OR1N2: variants seen among roughly 807,000 people sequenced by gnomAD.
OR1N2 encodes the protein olfactory receptor family 1 subfamily N member 2.
For synonymous variants in OR1N2, 152 were observed against 149.3 expected, an observed-to-expected ratio of 1.02 and a Z score of -0.13; for missense variants, 358 against 380.2, an observed-to-expected ratio of 0.94 and a Z score of 0.49.
rs759298359 is a variant in OR1N2 at position 122,553,798 on chromosome 9, A to G, written c.587A>G (p.His196Arg). Residue 196 changes from histidine to arginine, a missense_variant, in exon 1 of 1, where the codon CAT (histidine) becomes CGT (arginine). By Grantham distance (29) the His-to-Arg change is conservative (BLOSUM62 0). Transcript: ENST00000373688. ...CTGAAGCTTGCCTGCTCAGATACCC[A>G]TGTAAACGAGCTGATGATCATCACC... Reference protein sequence around the residue: ...ALLKLACSDTHVNELMIITMG... With the variant: ...ALLKLACSDTRVNELMIITMG... The G allele has an allele frequency of 2.5e-6, 4 of 1,613,954 alleles. No homozygotes were observed. Among genetic ancestry groups the G allele is most frequent in the South Asian group, 1.1e-5 (1 of 91,058 alleles).
In OR1N2 at chr9:122,554,161, G is replaced by C. The variant is rs372096195; in HGVS notation, c.950G>C (p.Ter317SerextTer4). The change falls in exon 1 of 1, where the codon TGA (stop) becomes TCA (serine). Residue 317 changes from the stop codon to serine (S), a stop_lost. Coordinates refer to ENST00000373688, the MANE Select transcript of OR1N2 (RefSeq NM_001004457.2). ...LFVSGKTFFL[*>S] is the part of the protein sequence containing the mutation. ...GTCAGTGGAAAAACATTCTTTTTAT[G>C]ATTAGACATCTAGACGGTGATGTCT... 5 of 1,607,512 alleles carry C rather than the reference G, an allele frequency of 3.1e-6. No homozygotes were observed. The highest frequency in any genetic ancestry group is 4.2e-6 in the Non-Finnish European group (5 of 1,176,478).
In OR1N2 at chr9:122,553,260, C is replaced by T. The variant is rs1243131027; in HGVS notation, c.49C>T (p.Leu17Phe). ...CCAAACCACTGTTTCAGACTTCCTC[C>T]TTCTAGGACTCTCTGAGTGGCCAGA... ...VNQTTVSDFL[L>F]LGLSEWPEEQ... The change falls in exon 1 of 1, where the codon CTT (leucine) becomes TTT (phenylalanine). Residue 17 changes from leucine to phenylalanine, a missense_variant. Leu to Phe is a conservative substitution (Grantham distance 22, BLOSUM62 0). Transcript: ENST00000373688. 5 of 1,613,644 alleles carry T rather than the reference C, an allele frequency of 3.1e-6. No individual in the cohort carries two copies. In the East Asian group the frequency reaches 1.1e-4, roughly 36 times the overall value.
In OR1N2 at chr9:122,553,614, T is replaced by C. The variant is rs1250359026; in HGVS notation, c.403T>C (p.Tyr135His). The change falls in exon 1 of 1, where the codon TAC (tyrosine) becomes CAC (histidine). Residue 135 changes from tyrosine to histidine, a missense_variant. Tyr to His is a moderately conservative substitution (Grantham distance 83, BLOSUM62 2). Coordinates refer to ENST00000373688, the MANE Select transcript of OR1N2 (RefSeq NM_001004457.2). Reference sequence around the variant, plus strand: ...TGTGGCCATCTGCCAACCACTCCATTACAGCACATCTATGAGTCCCCAGCT... The same window carrying C: ...TGTGGCCATCTGCCAACCACTCCATCACAGCACATCTATGAGTCCCCAGCT... ...RYVAICQPLH[Y>H]STSMSPQLCA... The C allele has an allele frequency of 1.2e-6, 2 of 1,614,122 alleles. No homozygotes were observed. The highest frequency in any genetic ancestry group is 1.3e-5 in the African/African-American group (1 of 75,042).
chr9:122,553,376 C>T lies in OR1N2; in HGVS notation c.165C>T (p.Asp55=), dbSNP rs1829217948. 6.2e-7 allele frequency: 1 copy of T among 1,614,068 alleles called. No individual in the cohort carries two copies. The highest frequency in any genetic ancestry group is 8.5e-7 in the Non-Finnish European group (1 of 1,179,984). Residue 55 remains aspartate, a synonymous_variant, in exon 1 of 1, where the codon GAC becomes GAT. Transcript: ENST00000373688. Reference sequence around the variant, plus strand: ...TCATTATCCTGGCCATCAGCTCTGACCCACACCTCCATACTCCCATGTACT... The same window carrying T: ...TCATTATCCTGGCCATCAGCTCTGATCCACACCTCCATACTCCCATGTACT... ...NLLIILAISS[D]PHLHTPMYFF... is the part of the protein sequence containing the mutation.
chr9:122,553,517 A>G lies in OR1N2; in HGVS notation c.306A>G (p.Ala102=), dbSNP rs1263655944. ...TCATCTCGTATTCTGGGTGTCTTGC[A>G]CAGCTATATTTCCTCCTTATGTTTG... ...SQIISYSGCL[A]QLYFLLMFGG... is the part of the protein sequence containing the mutation. The change falls in exon 1 of 1, where the codon GCA becomes GCG. Residue 102 remains alanine (A), a synonymous_variant. Transcript: ENST00000373688. 13 of 1,613,950 alleles carry G rather than the reference A, an allele frequency of 8.1e-6. No individual in the cohort carries two copies. Among genetic ancestry groups the G allele is most frequent in the Non-Finnish European group, 1.1e-5 (13 of 1,180,004 alleles).
Position 122,554,174 on chromosome 9 carries a change from G to T in OR1N2, c.*12G>T. 1 of 1,587,230 alleles carries T rather than the reference G, an allele frequency of 6.3e-7. No individual in the cohort carries two copies. Among genetic ancestry groups the T allele is most frequent in the South Asian group, 1.1e-5 (1 of 87,870 alleles). ...CATTCTTTTTATGATTAGACATCTA[G>T]ACGGTGATGTCTAATCTTGATCAAC... On this transcript the variant is annotated 3_prime_UTR_variant, in exon 1 of 1. Transcript: ENST00000373688.
chr9:122,554,202 C>T lies in OR1N2; in HGVS notation c.*40C>T. The T allele has an allele frequency of 6.8e-7, 1 of 1,481,398 alleles. No homozygotes were observed. Among genetic ancestry groups the T allele is most frequent in the Non-Finnish European group, 9.2e-7 (1 of 1,085,798 alleles). 91.8% of individuals were successfully genotyped at this position (1,481,398 alleles called of 1,614,324 possible). On this transcript the variant is annotated 3_prime_UTR_variant, in exon 1 of 1. Coordinates refer to ENST00000373688, the MANE Select transcript of OR1N2 (RefSeq NM_001004457.2). ...GGTGATGTCTAATCTTGATCAACCC[C>T]TCCCTGTCTTCCATCACTTCAGTAA...
In OR1N2 at chr9:122,553,655, G is replaced by T; in HGVS notation, c.444G>T (p.Leu148=). ...SMSPQLCALM[L]GVCWVLTNCP... is the part of the protein sequence containing the mutation. ...GTCCCCAGCTCTGTGCACTAATGCT[G>T]GGTGTGTGCTGGGTGCTAACCAACT... Residue 148 remains leucine, a synonymous_variant, in exon 1 of 1, where the codon CTG becomes CTT. Transcript: ENST00000373688. 1 of 1,614,060 alleles carries T rather than the reference G, an allele frequency of 6.2e-7. No homozygotes were observed. Among genetic ancestry groups the T allele is most frequent in the South Asian group, 1.1e-5 (1 of 91,070 alleles).
rs372274019 is a variant in OR1N2 at position 122,554,035 on chromosome 9, G to C, written c.824G>C (p.Ser275Thr). 6 of 1,613,894 alleles carry C rather than the reference G, an allele frequency of 3.7e-6. No individual in the cohort carries two copies. The highest frequency in any genetic ancestry group is 5.1e-6 in the Non-Finnish European group (6 of 1,179,844). Reference protein sequence around the residue: ...PPSTYSTERESRAAVLYMVII... With the variant: ...PPSTYSTERETRAAVLYMVII... The stretch of plus-strand genomic sequence containing the variant: ...TCAACTTACTCTACAGAGAGGGAAA[G>C]TAGGGCTGCTGTTCTCTATATGGTG... The change falls in exon 1 of 1, where the codon AGT becomes ACT. Residue 275 changes from serine (S) to threonine (T), a missense_variant. Physicochemically the swap from Ser to Thr is moderately conservative, Grantham distance 58 (BLOSUM62 1). Coordinates refer to ENST00000373688, the MANE Select transcript of OR1N2 (RefSeq NM_001004457.2).
Position 122,553,637 on chromosome 9 carries a change from G to C in OR1N2, c.426G>C (p.Gln142His), listed in dbSNP as rs1398493059. The C allele has an allele frequency of 5.6e-6, 9 of 1,614,116 alleles. No homozygotes were observed. Among genetic ancestry groups the C allele is most frequent in the Non-Finnish European group, 7.6e-6 (9 of 1,180,020 alleles). The change falls in exon 1 of 1, where the codon CAG (glutamine) becomes CAC (histidine). Residue 142 changes from glutamine to histidine, a missense_variant. Coordinates refer to ENST00000373688, the MANE Select transcript of OR1N2 (RefSeq NM_001004457.2). ...ATTACAGCACATCTATGAGTCCCCA[G>C]CTCTGTGCACTAATGCTGGGTGTGT... ...PLHYSTSMSP[Q>H]LCALMLGVCW...
At position 122,553,780 on chromosome 9, in the gene OR1N2, T is replaced by C. The variant is rs900796574; in HGVS notation, c.569T>C (p.Leu190Pro). 2.0e-5 allele frequency: 32 copies of C among 1,613,980 alleles called. No individual in the cohort carries two copies. The highest frequency in any genetic ancestry group is 2.6e-5 in the Non-Finnish European group (31 of 1,179,982). The change falls in exon 1 of 1, where the codon CTT becomes CCT. Residue 190 changes from leucine to proline, a missense_variant. Coordinates refer to ENST00000373688, the MANE Select transcript of OR1N2 (RefSeq NM_001004457.2). ...TGTGATCCTAGTGCTCTCCTGAAGC[T>C]TGCCTGCTCAGATACCCATGTAAAC... ...FYCDPSALLKLACSDTHVNEL... is the reference protein window; with the variant it reads ...FYCDPSALLKPACSDTHVNEL...
chr9:122,553,372 C>G lies in OR1N2; in HGVS notation c.161C>G (p.Ser54Cys), dbSNP rs762375447. The G allele has an allele frequency of 6.2e-7, 1 of 1,614,096 alleles. No homozygotes were observed. The highest frequency in any genetic ancestry group is 1.7e-5 in the Admixed American group (1 of 60,016). The change falls in exon 1 of 1, where the codon TCT (serine) becomes TGT (cysteine). Residue 54 changes from serine to cysteine, a missense_variant. Physicochemically the swap from Ser to Cys is moderately radical, Grantham distance 112 (BLOSUM62 -1). Transcript: ENST00000373688. Reference sequence around the variant, plus strand: ...CTGCTCATTATCCTGGCCATCAGCTCTGACCCACACCTCCATACTCCCATG... The same window carrying G: ...CTGCTCATTATCCTGGCCATCAGCTGTGACCCACACCTCCATACTCCCATG... ...GNLLIILAIS[S>C]DPHLHTPMYF...
rs1279976765 is a variant in OR1N2, at chr9:122,554,204, C to T, written c.*42C>T. 6.8e-7 allele frequency: 1 copy of T among 1,462,936 alleles called. No individual in the cohort carries two copies. The highest frequency in any genetic ancestry group is 9.3e-7 in the Non-Finnish European group (1 of 1,069,958). The allele number at this position is 1,462,936 out of a possible 1,614,324, so 90.6% of individuals were successfully genotyped here. A position where few individuals can be genotyped will look rare whatever the true frequency, so the allele number is the denominator to read the frequency against. ...TGATGTCTAATCTTGATCAACCCCT[C>T]CCTGTCTTCCATCACTTCAGTAATT... On this transcript the variant is annotated 3_prime_UTR_variant, in exon 1 of 1. Transcript: ENST00000373688.
At position 122,553,550 on chromosome 9, in the gene OR1N2, T is replaced by C; in HGVS notation, c.339T>C (p.Leu113=). The part of the protein sequence containing the change: ...QLYFLLMFGG[L]DNCLLAVMAY... ...ATTTCCTCCTTATGTTTGGTGGCCTTGACAACTGCCTGCTGGCTGTGATGG... is the reference window on the plus strand; with the variant it reads ...ATTTCCTCCTTATGTTTGGTGGCCTCGACAACTGCCTGCTGGCTGTGATGG... Residue 113 remains leucine, a synonymous_variant, in exon 1 of 1, where the codon CTT becomes CTC. Coordinates refer to ENST00000373688, the MANE Select transcript of OR1N2 (RefSeq NM_001004457.2). 1 of 1,614,150 alleles carries C rather than the reference T, an allele frequency of 6.2e-7. No homozygotes were observed. The highest frequency in any genetic ancestry group is 8.5e-7 in the Non-Finnish European group (1 of 1,180,024).
rs199982649 is a variant in OR1N2, at chr9:122,554,073, C to G, written c.862C>G (p.Leu288Val). ...TCTCTATATGGTGATTATTCCCACG[C>G]TAAACCCATTCATTTATAGCTTGAG... The part of the protein sequence containing the change: ...AVLYMVIIPT[L>V]NPFIYSLRNR... Residue 288 changes from leucine to valine, a missense_variant, in exon 1 of 1, where the codon CTA (leucine) becomes GTA (valine). Physicochemically the swap from Leu to Val is conservative, Grantham distance 32. Coordinates refer to ENST00000373688, the MANE Select transcript of OR1N2 (RefSeq NM_001004457.2). 40 of 1,613,032 alleles carry G rather than the reference C, an allele frequency of 2.5e-5. No homozygotes were observed. The highest frequency in any genetic ancestry group is 3.1e-5 in the Non-Finnish European group (36 of 1,179,186).
At position 122,553,715 on chromosome 9, in the gene OR1N2, C is replaced by T. The variant is rs751354919; in HGVS notation, c.504C>T (p.Arg168=). The T allele has an allele frequency of 6.2e-6, 10 of 1,613,892 alleles. No homozygotes were observed. The East Asian group carries it at 6.7e-5, about 11-fold the overall frequency. ...TGATGCACACACTGTTGCTGACCCG[C>T]GTGGCTTTCTGTGCCCAGAAAGCCA... is the stretch of plus-strand genomic sequence containing the variant. ...PALMHTLLLT[R]VAFCAQKAIP... is the part of the protein sequence containing the mutation. The change falls in exon 1 of 1, where the codon CGC becomes CGT. Residue 168 remains arginine (R), a synonymous_variant. Transcript: ENST00000373688.
In OR1N2 at chr9:122,553,850, C is replaced by T. The variant is rs1829232007; in HGVS notation, c.639C>T (p.Pro213=). The T allele has an allele frequency of 3.1e-6, 5 of 1,613,918 alleles. No homozygotes were observed. The East Asian group carries it at 1.1e-4, about 36-fold the overall frequency. The change falls in exon 1 of 1, where the codon CCC becomes CCT. Residue 213 remains proline, a synonymous_variant. Transcript: ENST00000373688. ...ITMGLLFLTV[P]LLLIVFSYVR... is the part of the protein sequence containing the mutation. ...TGGGCTTGCTGTTCCTCACTGTTCC[C>T]CTCCTGCTGATCGTCTTCTCCTATG... is the stretch of plus-strand genomic sequence containing the variant.
Position 122,553,675 on chromosome 9 carries a change from C to G in OR1N2, c.464C>G (p.Thr155Ser). ...ATGCTGGGTGTGTGCTGGGTGCTAA[C>G]CAACTGTCCTGCCCTGATGCACACA... is the stretch of plus-strand genomic sequence containing the variant. ...ALMLGVCWVL[T>S]NCPALMHTLL... Residue 155 changes from threonine to serine, a missense_variant, in exon 1 of 1, where the codon ACC becomes AGC. Coordinates refer to ENST00000373688, the MANE Select transcript of OR1N2 (RefSeq NM_001004457.2). 1 of 1,614,144 alleles carries G rather than the reference C, an allele frequency of 6.2e-7. No homozygotes were observed. The highest frequency in any genetic ancestry group is 8.5e-7 in the Non-Finnish European group (1 of 1,180,024).
chr9:122,553,732 A>T lies in OR1N2; in HGVS notation c.521A>T (p.Gln174Leu). Residue 174 changes from glutamine (Q) to leucine (L), a missense_variant, in exon 1 of 1, where the codon CAG becomes CTG. Physicochemically the swap from Gln to Leu is moderately radical, Grantham distance 113 (BLOSUM62 -2). Transcript: ENST00000373688. Reference sequence around the variant, plus strand: ...CTGACCCGCGTGGCTTTCTGTGCCCAGAAAGCCATCCCTCATTTCTATTGT... The same window carrying T: ...CTGACCCGCGTGGCTTTCTGTGCCCTGAAAGCCATCCCTCATTTCTATTGT... The part of the protein sequence containing the change: ...LLLTRVAFCA[Q>L]KAIPHFYCDP... 1 of 1,612,894 alleles carries T rather than the reference A, an allele frequency of 6.2e-7. No homozygotes were observed. The highest frequency in any genetic ancestry group is 8.5e-7 in the Non-Finnish European group (1 of 1,179,920).
Sources: gnomAD v4.1 joint callset for allele counts on GRCh38, gnomAD v4.1.1 for gene constraint, MANE v1.5 for transcripts, NCBI Gene and HGNC (gene_info 2026-07-23, HGNC 2026-07-21) for gene names.